Variants in BTBD10 observed in about 807,000 individuals in gnomAD.
BTBD10 encodes the protein BTB/POZ domain-containing protein 10.
Under a neutral mutation model 53.2 loss-of-function variants are expected in BTBD10, and 21 were observed. The observed-to-expected ratio is 0.39, with a 90% confidence interval of 0.28 to 0.57. The LOEUF (loss-of-function observed/expected upper bound fraction) is 0.57. Ranked by LOEUF, BTBD10 falls within the 20% of genes least tolerant of loss-of-function variation. The pLI, the probability that BTBD10 is intolerant of heterozygous loss-of-function variation, is 0.53. For missense variants in BTBD10, 360 were observed against 594.7 expected, an observed-to-expected ratio of 0.61 and a Z score of 4.10; for synonymous variants, 149 against 192.7, an observed-to-expected ratio of 0.77 and a Z score of 1.88.
At chr11:13,450,386 A>G (rs1451230236) in intron 1 of BTBD10, among the ~76,000 whole-genome samples, 1 of 152,212 alleles carries the variant, frequency 6.6e-6, no homozygotes, top group Non-Finnish European at 1.5e-5. Flanking sequence ...ATTTTGTACT[A>G]ACGACAAAGA....
chr11:13,447,056 AAC>A lies in BTBD10; in HGVS notation c.-57-1877_-57-1876del, dbSNP rs549590013. On this transcript the variant is annotated intron_variant, in intron 1 of 8. Coordinates refer to ENST00000278174, the MANE Select transcript of BTBD10 (RefSeq NM_032320.7). ...GCAGATTCTGTAGAATGAGATTTAGAACAATTTTTCCTTACTCTACATATCCT... is the reference window on the plus strand; with the variant it reads ...GCAGATTCTGTAGAATGAGATTTAGAAATTTTTCCTTACTCTACATATCCT... Among the ~76,000 whole-genome samples, 9 of 152,272 alleles carry A rather than the reference AAC, an allele frequency of 5.9e-5. 1 individual carries two copies. The South Asian group carries it at 1.9e-3, about 32-fold the overall frequency.
intron 8 of BTBD10, among the ~76,000 whole-genome samples, chr11:13,395,315 G>A (rs1949515645): frequency 6.6e-6 from 1 of 152,026 alleles, no homozygotes; most frequent in Non-Finnish European, 1.5e-5. Flanking sequence ...TTTTTTTCAT[G>A]TGTTTTTTGG....
chr11:13,436,566 A>C (rs1403576280), intron 2 of BTBD10, among the ~76,000 whole-genome samples: 3 of 152,180 alleles, frequency 2.0e-5, no homozygotes, highest in South Asian at 2.1e-4. Context: ...CAGCTGAGAA[A>C]ATGGAAACTT....
At chr11:13,414,667 T>TAA (rs1219721002) in intron 5 of BTBD10, among the ~76,000 whole-genome samples, 2 of 124,226 alleles carry the variant, frequency 1.6e-5, no homozygotes, top group Non-Finnish European at 3.5e-5. Context: ...ATAAAAATAA[T>TAA]AAAAAAAAAA....
intron 8 of BTBD10, among the ~76,000 whole-genome samples, chr11:13,400,098 G>A (rs1477093914): frequency 6.6e-6 from 1 of 152,248 alleles, no homozygotes; most frequent in East Asian, 1.9e-4. Flanking sequence ...ATTTAAGTCT[G>A]CAGAGGTTAT....
chr11:13,419,817 A>C, intron 3 of BTBD10, 72 bp from the exon 4 acceptor site: 1 of 1,285,798 alleles, frequency 7.8e-7, no homozygotes, highest in South Asian at 1.5e-5. Flanking sequence ...ATATCTTTTT[A>C]AATGTTTGAT....
Position 13,419,742 on chromosome 11 carries a change from C to T in BTBD10, c.302G>A (p.Arg101Gln), listed in dbSNP as rs1216227218. Residue 101 changes from arginine to glutamine, a missense_variant, in exon 4 of 9, where the codon CGA becomes CAA. By Grantham distance (43) the Arg-to-Gln change is conservative. Around this residue, in one of 6 missense-constraint regions of BTBD10, gnomAD observed 109 missense variants for 118.6 expected, o/e 0.92. Coordinates refer to ENST00000278174, the MANE Select transcript of BTBD10 (RefSeq NM_032320.7). ...ACGAGAGGAACTGTGATCTTTTTCT[C>T]GTTCTGAAATAAAGATGTTAGACGA... The part of the protein sequence containing the change: ...TSPTRQHHVE[R>Q]EKDHSSSRPS... 2.5e-6 allele frequency: 4 copies of T among 1,571,160 alleles called. No homozygotes were observed. Among genetic ancestry groups the T allele is most frequent in the Admixed American group, 2.0e-5 (1 of 50,578 alleles).
chr11:13,402,133 G>C (rs1324862730), intron 8 of BTBD10, among the ~76,000 whole-genome samples: 1 of 152,114 alleles, frequency 6.6e-6, no homozygotes, highest in Admixed American at 6.5e-5. Flanking sequence ...CTAGACCAAT[G>C]CTTCATATAT....
At chr11:13,437,146 C>G (rs1950558232) in intron 2 of BTBD10, among the ~76,000 whole-genome samples, 1 of 152,204 alleles carries the variant, frequency 6.6e-6, no homozygotes, top group Non-Finnish European at 1.5e-5. Flanking sequence ...TCACATCCTT[C>G]CTCTTGAATA....
intron 6 of BTBD10, among the ~76,000 whole-genome samples, chr11:13,407,365 T>C (rs1949854878): frequency 6.6e-6 from 1 of 152,204 alleles, no homozygotes; most frequent in Non-Finnish European, 1.5e-5. Context: ...TCCACTTGGA[T>C]GTAACTTCAG....
intron 5 of BTBD10, among the ~76,000 whole-genome samples, chr11:13,413,935 T>C (rs1950026711): frequency 1.3e-5 from 2 of 152,262 alleles, no homozygotes; most frequent in Admixed American, 6.5e-5. Flanking sequence ...ACCTAATTCA[T>C]GTCTTCTTTA....
intron 1 of BTBD10, among the ~76,000 whole-genome samples, chr11:13,446,493 A>G (rs1950751544): frequency 6.6e-6 from 1 of 152,182 alleles, no homozygotes; most frequent in Non-Finnish European, 1.5e-5. Context: ...TGAAAATTTT[A>G]TAATAAATGA....
chr11:13,462,111 A>G (rs1437497578), intron 1 of BTBD10, among the ~76,000 whole-genome samples: 1 of 151,970 alleles, frequency 6.6e-6, no homozygotes, highest in Non-Finnish European at 1.5e-5. Context: ...TGCATTCTTT[A>G]TTATATCTCT....
chr11:13,401,110 AATATT>A (rs1258646367), intron 8 of BTBD10, among the ~76,000 whole-genome samples: 1 of 149,022 alleles, frequency 6.7e-6, no homozygotes, highest in East Asian at 2.0e-4. Flanking sequence ...TTAGGAGTGA[AATATT>A]ATATATCAGA....
At chr11:13,397,378 G>A (rs1461679915) in intron 8 of BTBD10, among the ~76,000 whole-genome samples, 2 of 152,124 alleles carry the variant, frequency 1.3e-5, no homozygotes, top group African/African-American at 2.4e-5. Context: ...CTGTGGGATT[G>A]GTGGTGATAT....
In BTBD10 at chr11:13,463,207, C is replaced by G. The variant is rs952705779; in HGVS notation, c.-173G>C. 1.3e-5 allele frequency: 2 copies of G among 152,252 alleles called. No individual in the cohort carries two copies. Among genetic ancestry groups the G allele is most frequent in the Non-Finnish European group, 2.9e-5 (2 of 68,088 alleles). The allele number at this position is 152,252 out of a possible 1,614,324, so 9.4% of individuals were successfully genotyped here. On this transcript the variant is annotated 5_prime_UTR_variant, in exon 1 of 9. Coordinates refer to ENST00000278174, the MANE Select transcript of BTBD10 (RefSeq NM_032320.7). ...CCTCCGGAGGTGGCTGTGGAGGAAGCCACTGAGGCGGCTGCGCGTAGCGGA... is the reference window on the plus strand; with the variant it reads ...CCTCCGGAGGTGGCTGTGGAGGAAGGCACTGAGGCGGCTGCGCGTAGCGGA...
rs1461949189 is a variant in BTBD10, at chr11:13,454,700, AT to A, written c.-58+8391del. On this transcript the variant is annotated intron_variant, in intron 1 of 8. Coordinates refer to ENST00000278174, the MANE Select transcript of BTBD10 (RefSeq NM_032320.7). ...GACCCCCAGGTCTAAAAATAAAAAA[AT>A]AAATTAAATAAAAATTTTAAAATTA... 2.6e-5 allele frequency among the ~76,000 whole-genome samples: 4 copies of A among 151,940 alleles called. No homozygotes were observed. The East Asian group carries it at 5.8e-4, about 22-fold the overall frequency.
At chr11:13,440,086 C>T (rs1187079746) in intron 2 of BTBD10, 1 of 1,523,210 alleles carries the variant, frequency 6.6e-7, no homozygotes, top group Admixed American at 2.0e-5. Flanking sequence ...TCCCCAGTCT[C>T]CCCCTACCTC....
chr11:13,391,851 G>A (rs1252565774), intron 8 of BTBD10, among the ~76,000 whole-genome samples: 1 of 152,224 alleles, frequency 6.6e-6, no homozygotes, highest in African/African-American at 2.4e-5. Flanking sequence ...GGCTGAGACA[G>A]GAGAATCACT....
Sources: allele counts gnomAD v4.1 joint callset (sites outside exome capture counted in the v4.1 genomes callset), GRCh38; gene constraint gnomAD v4.1.1; regional missense constraint gnomAD v4.1.1; transcripts MANE v1.5; gene names NCBI Gene and HGNC (gene_info 2026-07-23, HGNC 2026-07-21).